The following LRIG1 variants were observed in gnomAD, a reference collection of about 807,000 sequenced individuals.
LRIG1 encodes leucine rich repeats and immunoglobulin like domains 1.
In LRIG1, 48 loss-of-function variants were observed where a neutral mutation model predicts 99.2. The observed-to-expected ratio is 0.48, with a 90% confidence interval of 0.38 to 0.62. LRIG1 has a LOEUF of 0.62. Ranked by LOEUF, LRIG1 falls within the 20% of genes least tolerant of loss-of-function variation. The pLI, the probability that LRIG1 is intolerant of heterozygous loss-of-function variation, is 0.00. For synonymous variants in LRIG1, 772 were observed against 596.1 expected (o/e 1.29, Z -4.30); for missense variants, 1,646 against 1,434.4 (o/e 1.15, Z -2.38).
intron 15 of LRIG1, among the ~76,000 whole-genome samples, chr3:66,382,609 G>A (rs1044230678): frequency 2.1e-5 from 3 of 140,536 alleles, no homozygotes; most frequent in East Asian, 3.9e-4. Flanking sequence ...GCCAGCAGAT[G>A]CCAGACGCCA....
Position 66,417,926 on chromosome 3 carries a change from C to T in LRIG1, c.366-660G>A, listed in dbSNP as rs562279627. 3.9e-5 allele frequency among the ~76,000 whole-genome samples: 6 copies of T among 152,224 alleles called. No homozygotes were observed. In the South Asian group the frequency reaches 1.0e-3, roughly 26 times the overall value. ...ACCATTAATATTAAGCATTGTGCCT[C>T]GGTTTTCTCATTTGGAAGATGGGGC... On this transcript the variant is annotated intron_variant, in intron 3 of 18. Coordinates refer to ENST00000273261, the MANE Select transcript of LRIG1 (RefSeq NM_015541.3).
intron 1 of LRIG1, among the ~76,000 whole-genome samples, chr3:66,470,662 A>G (rs13066972): frequency 0.027 from 4,183 of 152,288 alleles, 248 homozygotes; most frequent in Admixed American, 0.14. Context: ...TGGGGCCATT[A>G]AAGTTGATTT....
intron 1 of LRIG1, 105 bp downstream of exon 1, chr3:66,500,085 C>A: frequency 2.3e-6 from 2 of 875,304 alleles, no homozygotes; most frequent in Non-Finnish European, 3.4e-6. Flanking sequence ...CAACTCCACA[C>A]ACACAACCCA....
chr3:66,399,647 A>G (rs1220040229), intron 9 of LRIG1, among the ~76,000 whole-genome samples: 1 of 152,154 alleles, frequency 6.6e-6, no homozygotes, highest in African/African-American at 2.4e-5. Context: ...ACGCACCAGT[A>G]GTCGTAGCTA....
rs551860454 is a variant in LRIG1 at position 66,441,989 on chromosome 3, G to A, written c.365+9570C>T. The stretch of plus-strand genomic sequence containing the variant: ...TAAGACAGGTCCCGGGAAGTCCATA[G>A]AGCAACGCCTGCCAATATCAGTGTA... On this transcript the variant is annotated intron_variant, in intron 3 of 18. Transcript: ENST00000273261. Among the ~76,000 whole-genome samples the A allele has an allele frequency of 6.6e-5, 10 of 152,308 alleles. No individual in the cohort carries two copies. The South Asian group carries it at 2.1e-3, about 32-fold the overall frequency.
chr3:66,407,249 C>T (rs1461798940), intron 8 of LRIG1, 99 bp downstream of exon 8: 12 of 1,325,466 alleles, frequency 9.1e-6, no homozygotes, highest in South Asian at 1.3e-5. Context: ...AATTCTGACT[C>T]GAAGCCAACG....
chr3:66,464,568 G>A (rs1031296818), intron 1 of LRIG1, among the ~76,000 whole-genome samples: 1 of 151,356 alleles, frequency 6.6e-6, no homozygotes, highest in African/African-American at 2.4e-5. Context: ...CTTGAGGATC[G>A]CCAGTTTTTG....
intron 1 of LRIG1, among the ~76,000 whole-genome samples, chr3:66,464,213 C>T (rs10510956): frequency 0.79 from 119,813 of 152,160 alleles, 50,723 homozygotes; most frequent in Non-Finnish European, 0.96. Flanking sequence ...TGGGAGTTTA[C>T]GATGACTGTA....
At position 66,380,594 on chromosome 3, in the gene LRIG1, G is replaced by A; in HGVS notation, c.3038C>T (p.Ala1013Val). The A allele has an allele frequency of 1.2e-6, 2 of 1,613,966 alleles. No homozygotes were observed. The highest frequency in any genetic ancestry group is 8.5e-7 in the Non-Finnish European group (1 of 1,179,842). ...MLTAVKKKPM[A>V]SLDGKGDSSW... is the part of the protein sequence containing the mutation. ...AAAGTTACCTTTCCCATCTAGAGAT[G>A]CCATTGGCTTTTTCTTCACAGCCGT... Residue 1013 changes from alanine (A) to valine (V), a missense_variant, in exon 18 of 19, where the codon GCA (alanine) becomes GTA (valine). Coordinates refer to ENST00000273261, the MANE Select transcript of LRIG1 (RefSeq NM_015541.3).
chr3:66,391,085 G>A (rs1454864978), intron 12 of LRIG1, among the ~76,000 whole-genome samples: 4 of 151,998 alleles, frequency 2.6e-5, no homozygotes, highest in Non-Finnish European at 4.4e-5. Context: ...AATCATTAGG[G>A]AAGTGCAAAT....
intron 12 of LRIG1, among the ~76,000 whole-genome samples, chr3:66,392,613 C>T: frequency 6.8e-6 from 1 of 146,022 alleles, no homozygotes; most frequent in Non-Finnish European, 1.5e-5. Flanking sequence ...GGGGGGGAAG[C>T]TTGAGCTAAA....
intron 5 of LRIG1, among the ~76,000 whole-genome samples, chr3:66,414,107 T>C (rs980820893): frequency 1.3e-5 from 2 of 152,032 alleles, no homozygotes; most frequent in African/African-American, 4.8e-5. Context: ...TTTACAAAAA[T>C]AATAAATCGG....
At chr3:66,487,143 C>A (rs1323894186) in intron 1 of LRIG1, among the ~76,000 whole-genome samples, 2 of 152,116 alleles carry the variant, frequency 1.3e-5, no homozygotes, top group African/African-American at 4.8e-5. Context: ...AGAGGACTAT[C>A]CATAATTTTT....
intron 4 of LRIG1, among the ~76,000 whole-genome samples, chr3:66,415,531 T>C (rs1409995766): frequency 6.6e-6 from 1 of 152,224 alleles, no homozygotes; most frequent in Non-Finnish European, 1.5e-5. Context: ...GGTCTTGCTA[T>C]ATGAACTACA....
At chr3:66,400,768 A>G (rs1228920694) in intron 9 of LRIG1, among the ~76,000 whole-genome samples, 3 of 152,158 alleles carry the variant, frequency 2.0e-5, no homozygotes, top group African/African-American at 7.2e-5. Context: ...AAGCAAACCA[A>G]AGATGGCAGG....
At chr3:66,481,065 T>G (rs1405578085) in intron 1 of LRIG1, among the ~76,000 whole-genome samples, 2 of 152,132 alleles carry the variant, frequency 1.3e-5, no homozygotes, top group East Asian at 3.9e-4. Flanking sequence ...TGAAAACAGA[T>G]AGAAATGGCC....
intron 5 of LRIG1, among the ~76,000 whole-genome samples, chr3:66,413,517 G>A (rs1454703186): frequency 6.6e-6 from 1 of 152,184 alleles, no homozygotes. Context: ...CTCCACTATG[G>A]AGAGAAGTTA....
At chr3:66,452,109 G>A (rs1400726605) in intron 2 of LRIG1, among the ~76,000 whole-genome samples, 1 of 152,148 alleles carries the variant, frequency 6.6e-6, no homozygotes, top group Non-Finnish European at 1.5e-5. Context: ...TTATTTCAGT[G>A]CCTCATCTGT....
chr3:66,391,237 C>T (rs1283532), intron 12 of LRIG1, among the ~76,000 whole-genome samples: 88,545 of 151,962 alleles, frequency 0.58, 26,297 homozygotes, highest in East Asian at 0.8. Flanking sequence ...TGAAGCCACT[C>T]TGGAAAACAG....
Sources: gnomAD v4.1 joint callset for allele counts (sites outside exome capture counted in the v4.1 genomes callset) on GRCh38, gnomAD v4.1.1 for gene constraint, MANE v1.5 for transcripts, NCBI Gene and HGNC (gene_info 2026-07-23, HGNC 2026-07-21) for gene names.